The following GBP1 variants were observed in gnomAD, a reference collection of about 807,000 sequenced individuals.
GBP1 encodes guanylate-binding protein 1.
In GBP1, 64 loss-of-function variants were observed where a neutral mutation model predicts 69.5. That is an observed-to-expected ratio of 0.92 (90% CI 0.75 to 1.13). The LOEUF (loss-of-function observed/expected upper bound fraction) is 1.13, where lower values mean the gene tolerates loss of function less well. GBP1 is among the 50% of genes most tolerant of loss of function. The pLI is 0.00. For missense variants in GBP1, 630 were observed against 704.1 expected, an observed-to-expected ratio of 0.89 and a Z score of 1.19; for synonymous variants, 250 against 261.2, an observed-to-expected ratio of 0.96 and a Z score of 0.41.
chr1:89,063,963 A>G (rs1309197307), intron 1 of GBP1, among the ~76,000 whole-genome samples: 1 of 152,214 alleles, frequency 6.6e-6, no homozygotes, highest in Admixed American at 6.5e-5. Context: ...CTTCTAAGTC[A>G]CTGAGGGTAT....
chr1:89,064,238 TGTGAGA>T (rs1253294383), intron 1 of GBP1, among the ~76,000 whole-genome samples: 225 of 112,840 alleles, frequency 2.0e-3, no homozygotes, highest in African/African-American at 6.7e-3. Context: ...TGTGTGTGTG[TGTGAGA>T]GAGAGAGAGA....
chr1:89,053,699 A>G (rs902033095), intron 10 of GBP1, among the ~76,000 whole-genome samples: 4 of 152,246 alleles, frequency 2.6e-5, no homozygotes, highest in Admixed American at 6.5e-5. Context: ...CATAAGGTGT[A>G]TGAATCATGG....
chr1:89,061,637 A>G (rs1680201032), intron 2 of GBP1, among the ~76,000 whole-genome samples: 1 of 152,160 alleles, frequency 6.6e-6, no homozygotes, highest in Non-Finnish European at 1.5e-5. Context: ...TATAGACAAT[A>G]AAAGAAAAAA....
Position 89,059,438 on chromosome 1 carries a change from GAC to G in GBP1, c.319-14_319-13del. 6.2e-7 allele frequency: 1 copy of G among 1,613,442 alleles called. No homozygotes were observed. Among genetic ancestry groups the G allele is most frequent in the Non-Finnish European group, 8.5e-7 (1 of 1,179,682 alleles). ...TTCTGGTTGTCACCCTGGAAGTCAA[GAC>G]ACACTGGAGTCAGGAGCAAGTTTCA... On this transcript the variant is annotated splice_polypyrimidine_tract_variant and intron_variant, in intron 3 of 10. Coordinates refer to ENST00000370473, the MANE Select transcript of GBP1 (RefSeq NM_002053.3).
At chr1:89,053,525 T>G in intron 10 of GBP1, 57 bp from the exon 11 acceptor site, 1 of 1,572,236 alleles carries the variant, frequency 6.4e-7, no homozygotes, top group Non-Finnish European at 8.6e-7. Flanking sequence ...ATTGAAACAT[T>G]CTATCTGGTT....
Position 89,058,953 on chromosome 1 carries a change from G to A in GBP1, c.519C>T (p.Ser173=), listed in dbSNP as rs768375856. The A allele has an allele frequency of 9.3e-6, 15 of 1,614,068 alleles. No individual in the cohort carries two copies. The African/African-American group carries it at 9.3e-5, about 10-fold the overall frequency. ...GTGTCCACACAAAGTCTGGGAAGAA[G>A]CTCACAAAGTCAGCTGAATCCTCAA... The part of the protein sequence containing the change: ...NEVEDSADFV[S]FFPDFVWTLR... The change falls in exon 5 of 11, where the codon AGC becomes AGT. Residue 173 remains serine (S), a synonymous_variant. Coordinates refer to ENST00000370473, the MANE Select transcript of GBP1 (RefSeq NM_002053.3).
intron 4 of GBP1, 22 bp downstream of exon 4, chr1:89,059,295 G>A: frequency 6.2e-7 from 1 of 1,614,072 alleles, no homozygotes; most frequent in Non-Finnish European, 8.5e-7. Flanking sequence ...CCTTGGTGCT[G>A]TTCTGGGTCA....
intron 3 of GBP1, among the ~76,000 whole-genome samples, chr1:89,059,858 A>C (rs1381991645): frequency 1.3e-5 from 2 of 152,206 alleles, no homozygotes; most frequent in Non-Finnish European, 2.9e-5. Flanking sequence ...TTATCTTATT[A>C]AATATTCAAA....
Position 89,056,001 on chromosome 1 carries a change from A to C in GBP1, c.1368+15T>G. 2 of 1,613,862 alleles carry C rather than the reference A, an allele frequency of 1.2e-6. No individual in the cohort carries two copies. Among genetic ancestry groups the C allele is most frequent in the Non-Finnish European group, 1.7e-6 (2 of 1,179,746 alleles). ...GTCAGCAGCTTTCCATAATTGACAG[A>C]TAAATCTTGGTTACCTGTATCCCCT... On this transcript the variant is annotated intron_variant, in intron 8 of 10. Coordinates refer to ENST00000370473, the MANE Select transcript of GBP1 (RefSeq NM_002053.3).
chr1:89,057,096 T>C lies in GBP1; in HGVS notation c.913A>G (p.Ser305Gly), dbSNP rs1318185553. The C allele has an allele frequency of 1.2e-6, 2 of 1,614,150 alleles. No individual in the cohort carries two copies. The highest frequency in any genetic ancestry group is 1.3e-5 in the African/African-American group (1 of 74,952). Residue 305 changes from serine to glycine, a missense_variant, in exon 7 of 11, where the codon AGC becomes GGC. Coordinates refer to ENST00000370473, the MANE Select transcript of GBP1 (RefSeq NM_002053.3). ...SLVLTYVNAI[S>G]SGDLPCMENA... The stretch of plus-strand genomic sequence containing the variant: ...TCCATGCACGGCAGATCCCCACTGC[T>C]GATGGCATTGACGTAGGTCAGCACC...
In GBP1 at chr1:89,056,177, A is replaced by G. The variant is rs376697189; in HGVS notation, c.1207T>C (p.Ser403Pro). Residue 403 changes from serine (S) to proline (P), a missense_variant, in exon 8 of 11, where the codon TCA becomes CCA. Around this residue, in one of 5 missense-constraint regions of GBP1, gnomAD observed 367 missense variants for 369.5 expected, o/e 0.99. Transcript: ENST00000370473. Reference protein sequence around the residue: ...DDFCKQNQEASSDRCSALLQV... With the variant: ...DDFCKQNQEAPSDRCSALLQV... ...AGTAAAGCTGAGCAACGATCTGATG[A>G]TGCTTCCTGATTCTGTTTACAAAAG... 8.1e-6 allele frequency: 13 copies of G among 1,613,850 alleles called. No individual in the cohort carries two copies. The African/African-American group carries it at 1.7e-4, about 22-fold the overall frequency.
At chr1:89,062,022 T>G (rs1348825361) in intron 2 of GBP1, among the ~76,000 whole-genome samples, 1 of 150,124 alleles carries the variant, frequency 6.7e-6, no homozygotes, top group Non-Finnish European at 1.5e-5. Context: ...AAAATGTTGG[T>G]GAGGATGTAG....
At chr1:89,053,585 TA>T in intron 10 of GBP1, 117 bp from the exon 11 acceptor site, 4 of 1,452,910 alleles carry the variant, frequency 2.8e-6, no homozygotes, top group Non-Finnish European at 1.8e-6. Context: ...ACGCAAGACG[TA>T]AATGTCATAC....
rs1177151954 is a variant in GBP1, at chr1:89,065,158, A to G, written c.-20+2T>C. 1 of 152,194 alleles carries G rather than the reference A, an allele frequency of 6.6e-6. No homozygotes were observed. The highest frequency in any genetic ancestry group is 2.4e-5 in the African/African-American group (1 of 41,446). The allele number at this position is 152,194 out of a possible 1,614,324, so 9.4% of individuals were successfully genotyped here. A position where few individuals can be genotyped will look rare whatever the true frequency, so the allele number is the denominator to read the frequency against. ...TTGATGAGAAGTAGTAAAAGTTCTT[A>G]CCTGTTCTTTTTCTCCTTAGTTCAC... On this transcript the variant is annotated splice_donor_variant, in intron 1 of 10. Transcript: ENST00000370473. LOFTEE classifies it low-confidence loss of function (5UTR_SPLICE).
At chr1:89,053,725 C>A (rs1679975817) in intron 10 of GBP1, among the ~76,000 whole-genome samples, 1 of 152,112 alleles carries the variant, frequency 6.6e-6, no homozygotes, top group Non-Finnish European at 1.5e-5. Context: ...GAAATTTGGT[C>A]TAAGCTGCCA....
intron 10 of GBP1, 43 bp downstream of exon 10, chr1:89,054,639 G>A (rs1679997051): frequency 2.0e-6 from 3 of 1,524,206 alleles, no homozygotes; most frequent in Non-Finnish European, 2.7e-6. Context: ...AGAATGGAGA[G>A]AAAACAGAAA....
chr1:89,061,053 A>G (rs1224377230), intron 2 of GBP1, among the ~76,000 whole-genome samples: 1 of 152,218 alleles, frequency 6.6e-6, no homozygotes, highest in Non-Finnish European at 1.5e-5. Flanking sequence ...ATAAGTTATT[A>G]GAAAGACATC....
Position 89,060,280 on chromosome 1 carries a change from A to G in GBP1, c.235T>C (p.Trp79Arg), listed in dbSNP as rs1392636834. 2 of 1,603,472 alleles carry G rather than the reference A, an allele frequency of 1.2e-6. No individual in the cohort carries two copies. The highest frequency in any genetic ancestry group is 8.5e-7 in the Non-Finnish European group (1 of 1,175,658). Residue 79 changes from tryptophan (W) to arginine (R), a missense_variant, in exon 3 of 11, where the codon TGG (tryptophan) becomes CGG (arginine). Coordinates refer to ENST00000370473, the MANE Select transcript of GBP1 (RefSeq NM_002053.3). ...TTGGGGTGGGGCACACACCACATCC[A>G]GATTCCTTTAGTGTGAGACTGCACC... Reference protein sequence around the residue: ...STVQSHTKGIWMWCVPHPKKP... With the variant: ...STVQSHTKGIRMWCVPHPKKP...
chr1:89,057,763 T>A (rs1399199912), intron 6 of GBP1, among the ~76,000 whole-genome samples: 1 of 152,246 alleles, frequency 6.6e-6, no homozygotes. Flanking sequence ...TATTGCATAG[T>A]GCAGGTCCAG....
Sources: allele counts gnomAD v4.1 joint callset (sites outside exome capture counted in the v4.1 genomes callset), GRCh38; gene constraint gnomAD v4.1.1; regional missense constraint gnomAD v4.1.1; transcripts MANE v1.5; gene names NCBI Gene and HGNC (gene_info 2026-07-23, HGNC 2026-07-21).